The following PFKFB3 variants were observed in gnomAD, a reference collection of about 807,000 sequenced individuals.
PFKFB3 encodes 6-phosphofructo-2-kinase/fructose-2,6-biphosphatase 3, also known as 6-phosphofructo-2-kinase/fructose-2,6-bisphosphatase 3.
Under a neutral mutation model 68.0 loss-of-function variants are expected in PFKFB3, and 33 were observed. The ratio of observed to expected loss-of-function variants is 0.49; its 90% CI spans 0.37 to 0.65. The LOEUF is 0.65. Ranked by LOEUF, PFKFB3 falls within the 30% of genes least tolerant of loss-of-function variation. PFKFB3 has a pLI of 0.00. For synonymous variants in PFKFB3, 315 were observed against 288.2 expected, an observed-to-expected ratio of 1.09 and a Z score of -0.94; for missense variants, 586 against 712.2, an observed-to-expected ratio of 0.82 and a Z score of 2.02.
chr10:6,300,696 T>C, the PFKFB3 span, among the ~76,000 whole-genome samples: 4 of 152,146 alleles, frequency 2.6e-5, no homozygotes, highest in African/African-American at 9.7e-5. Flanking sequence ...GCCCTTGCCT[T>C]AGCAAAGCCA....
chr10:6,187,459 T>TG (rs1209538692), intron 1 of PFKFB3, among the ~76,000 whole-genome samples: 2 of 152,174 alleles, frequency 1.3e-5, no homozygotes, highest in Non-Finnish European at 2.9e-5. Flanking sequence ...AGGTGCAGTG[T>TG]GGTTTATATT....
intron 1 of PFKFB3, among the ~76,000 whole-genome samples, chr10:6,183,591 C>G (rs182675844): frequency 0.037 from 3,038 of 82,884 alleles, 96 homozygotes; most frequent in East Asian, 0.11. Context: ...GAGTTCGAGA[C>G]CAGCCTGGTC....
At chr10:6,243,087 G>A (rs925204904) in intron 14 of PFKFB3, among the ~76,000 whole-genome samples, 8 of 152,196 alleles carry the variant, frequency 5.3e-5, no homozygotes, top group Non-Finnish European at 8.8e-5. Context: ...TGGAAGACTC[G>A]GCAACACCCT....
intron 1 of PFKFB3, among the ~76,000 whole-genome samples, chr10:6,146,086 G>A (rs1356730017): frequency 6.6e-6 from 1 of 152,310 alleles, no homozygotes; most frequent in Non-Finnish European, 1.5e-5. Flanking sequence ...CTCAACACCC[G>A]AGACTCCCCC....
intron 1 of PFKFB3, among the ~76,000 whole-genome samples, chr10:6,175,340 C>T (rs549534960): frequency 1.2e-4 from 18 of 152,326 alleles, no homozygotes; most frequent in African/African-American, 4.3e-4. Flanking sequence ...TTCAGGTACA[C>T]AGAGTGTTGG....
the PFKFB3 span, among the ~76,000 whole-genome samples, chr10:6,319,273 G>A: frequency 6.6e-6 from 1 of 152,212 alleles, no homozygotes; most frequent in African/African-American, 2.4e-5. Flanking sequence ...GTGTCCATCA[G>A]TGGATGACTG....
chr10:6,206,539 G>C (rs1372022899), intron 1 of PFKFB3, among the ~76,000 whole-genome samples: 1 of 114,910 alleles, frequency 8.7e-6, no homozygotes, highest in Non-Finnish European at 1.7e-5. Flanking sequence ...CCGGGCAGAG[G>C]CGCCCCTCAC....
At chr10:6,149,722 C>A in intron 1 of PFKFB3, 1 of 160,306 alleles carries the variant, frequency 6.2e-6, no homozygotes. Flanking sequence ...CTTCCTCCCT[C>A]ACCACTCCAT....
At chr10:6,206,546 T>C (rs1215642683) in intron 1 of PFKFB3, among the ~76,000 whole-genome samples, 24 of 98,836 alleles carry the variant, frequency 2.4e-4, no homozygotes, top group Middle Eastern at 4.9e-3. Flanking sequence ...GAGGCGCCCC[T>C]CACCTCCCGG....
At chr10:6,166,921 C>T (rs548223981) in intron 1 of PFKFB3, among the ~76,000 whole-genome samples, 3 of 151,814 alleles carry the variant, frequency 2.0e-5, no homozygotes, top group African/African-American at 7.3e-5. Context: ...CCTCTGCCTC[C>T]CAGTTTAAAG....
At chr10:6,307,479 T>C in the PFKFB3 span, among the ~76,000 whole-genome samples, 1 of 152,106 alleles carries the variant, frequency 6.6e-6, no homozygotes, top group Non-Finnish European at 1.5e-5. Context: ...ATTAGGACTA[T>C]AGACTGTAGT....
In PFKFB3 at chr10:6,223,000, C is replaced by T. The variant is rs375527588; in HGVS notation, c.1213+16C>T. On this transcript the variant is annotated intron_variant, in intron 11 of 14. Coordinates refer to ENST00000379775, the MANE Select transcript of PFKFB3 (RefSeq NM_004566.4). ...AAGAGTGCAGGTACCTCGGGCAGGTCGTGGCCCCGGGATGGAGGGAGGAGG... is the reference window on the plus strand; with the variant it reads ...AAGAGTGCAGGTACCTCGGGCAGGTTGTGGCCCCGGGATGGAGGGAGGAGG... The T allele has an allele frequency of 7.9e-5, 127 of 1,608,922 alleles. 1 individual carries two copies. Among genetic ancestry groups the T allele is most frequent in the East Asian group, 2.2e-4 (10 of 44,696 alleles).
the PFKFB3 span, among the ~76,000 whole-genome samples, chr10:6,292,909 C>T: frequency 1.3e-5 from 2 of 152,164 alleles, no homozygotes; most frequent in Non-Finnish European, 2.9e-5. Flanking sequence ...GATAAGGCTA[C>T]AGCTCTCTTG....
chr10:6,242,760 G>C (rs1275962260), intron 14 of PFKFB3, among the ~76,000 whole-genome samples: 1 of 152,130 alleles, frequency 6.6e-6, no homozygotes, highest in Admixed American at 6.6e-5. Context: ...GCTAATTTTT[G>C]TATTTTTCAT....
At chr10:6,304,845 CTT>C in the PFKFB3 span, among the ~76,000 whole-genome samples, 11 of 73,800 alleles carry the variant, frequency 1.5e-4, no homozygotes, top group Middle Eastern at 8.2e-3. Context: ...ATATTAGGAA[CTT>C]TTTTTTTTTT....
the PFKFB3 span, among the ~76,000 whole-genome samples, chr10:6,270,441 C>G: frequency 2.6e-5 from 4 of 152,208 alleles, no homozygotes; most frequent in Non-Finnish European, 5.9e-5. Context: ...TCCTGTTGCT[C>G]TTGCGTTTAA....
At chr10:6,184,386 G>T (rs188920800) in intron 1 of PFKFB3, among the ~76,000 whole-genome samples, 1 of 152,212 alleles carries the variant, frequency 6.6e-6, no homozygotes, top group Non-Finnish European at 1.5e-5. Context: ...ACCCCCAAAA[G>T]CCCCATCCTG....
intron 1 of PFKFB3, among the ~76,000 whole-genome samples, chr10:6,157,655 AT>A (rs1688721721): frequency 2.6e-5 from 4 of 152,182 alleles, no homozygotes; most frequent in Admixed American, 2.0e-4. Flanking sequence ...CTGTTTATAA[AT>A]GGGGTATGAC....
intron 1 of PFKFB3, among the ~76,000 whole-genome samples, chr10:6,188,672 C>G (rs1300409287): frequency 6.6e-6 from 1 of 151,854 alleles, no homozygotes; most frequent in African/African-American, 2.4e-5. Context: ...CCCCTGACGT[C>G]CCCCGTTCTG....
Sources: allele counts gnomAD v4.1 joint callset (sites outside exome capture counted in the v4.1 genomes callset), GRCh38; gene constraint gnomAD v4.1.1; transcripts MANE v1.5; gene names NCBI Gene and HGNC (gene_info 2026-07-23, HGNC 2026-07-21).